The following PSD3 variants were observed in gnomAD, a reference collection of about 807,000 sequenced individuals.
PSD3 encodes PH and SEC7 domain-containing protein 3.
A neutral mutation model predicts 105.5 loss-of-function variants in PSD3; 49 were observed. The observed-to-expected ratio is 0.46, with a 90% CI of 0.37 to 0.59. The LOEUF (loss-of-function observed/expected upper bound fraction) is 0.59, where lower values mean the gene tolerates loss of function less well. Among genes scored for constraint, PSD3 ranks in the 20% least tolerant of loss-of-function variants. The pLI, the probability that PSD3 is intolerant of heterozygous loss-of-function variation, is 0.00. For missense variants in PSD3, 1,561 were observed against 1,263.8 expected, an observed-to-expected ratio of 1.24 and a Z score of -3.57; for synonymous variants, 557 against 457.8, an observed-to-expected ratio of 1.22 and a Z score of -2.77.
intron 4 of PSD3, among the ~76,000 whole-genome samples, chr8:18,834,724 C>T (rs561836390): frequency 6.6e-6 from 1 of 152,240 alleles, no homozygotes; most frequent in South Asian, 2.1e-4. Flanking sequence ...TATAGAGGAA[C>T]AAAGACGCCA....
intron 1 of PSD3, among the ~76,000 whole-genome samples, chr8:19,027,263 A>G (rs970382605): frequency 1.1e-4 from 16 of 152,230 alleles, no homozygotes; most frequent in Non-Finnish European, 2.2e-4. Flanking sequence ...CATTCTGGAC[A>G]TAACTGCTGA....
At position 18,534,031 on chromosome 8, in the gene PSD3, A is replaced by G. The variant is rs1244687405; in HGVS notation, c.*1712T>C. 6.6e-6 allele frequency: 1 copy of G among 152,108 alleles called. No individual in the cohort carries two copies. The highest frequency in any genetic ancestry group is 1.5e-5 in the Non-Finnish European group (1 of 68,032). The allele number at this position is 152,108 out of a possible 1,614,324, so 9.4% of individuals were successfully genotyped here. On this transcript the variant is annotated 3_prime_UTR_variant, in exon 16 of 16. Coordinates refer to ENST00000327040, the MANE Select transcript of PSD3 (RefSeq NM_015310.4). ...ATAGTCATGGACATTTACAGAGGGG[A>G]AGGAAGTAAACGTTAATAAATAATT...
rs17127568 is a variant in PSD3 at position 18,975,456 on chromosome 8, C to T, written c.21+38107G>A. 4.0e-5 allele frequency among the ~76,000 whole-genome samples: 6 copies of T among 151,880 alleles called. No individual in the cohort carries two copies. The South Asian group carries it at 8.3e-4, about 21-fold the overall frequency. ...ATATGCTAAAAGTCACGCAGAAGAGCGTTTGTAGCCGATTTCTGCCATTTA... is the reference window on the plus strand; with the variant it reads ...ATATGCTAAAAGTCACGCAGAAGAGTGTTTGTAGCCGATTTCTGCCATTTA... On this transcript the variant is annotated intron_variant, in intron 1 of 15. Transcript: ENST00000327040.
intron 6 of PSD3, among the ~76,000 whole-genome samples, chr8:18,802,633 C>T (rs180869550): frequency 5.3e-5 from 8 of 152,278 alleles, no homozygotes; most frequent in South Asian, 2.1e-4. Context: ...AAGAGCCCCA[C>T]GATAAATCAC....
chr8:18,763,078 TG>T (rs1806675310), intron 9 of PSD3: 1 of 476,610 alleles, frequency 2.1e-6, no homozygotes, highest in Non-Finnish European at 4.1e-6. Context: ...CAAAATGACA[TG>T]GAACAACAGA....
At chr8:19,044,830 A>T (rs1380082005) in intron 1 of PSD3, among the ~76,000 whole-genome samples, 1 of 152,208 alleles carries the variant, frequency 6.6e-6, no homozygotes, top group Non-Finnish European at 1.5e-5. Context: ...GAAAGATTGT[A>T]TAGAAAAATG....
chr8:19,059,554 A>C (rs1828824812), intron 1 of PSD3, among the ~76,000 whole-genome samples: 1 of 152,184 alleles, frequency 6.6e-6, no homozygotes, highest in African/African-American at 2.4e-5. Context: ...AAAGTACTTT[A>C]TTGGGTAACA....
chr8:19,052,520 C>CA (rs1407766887), intron 1 of PSD3, among the ~76,000 whole-genome samples: 2 of 151,502 alleles, frequency 1.3e-5, no homozygotes, highest in Non-Finnish European at 2.9e-5. Flanking sequence ...AGAAAATGAG[C>CA]AAAGCAAAGT....
chr8:19,060,300 G>C (rs1828852589), intron 1 of PSD3, among the ~76,000 whole-genome samples: 1 of 152,188 alleles, frequency 6.6e-6, no homozygotes, highest in African/African-American at 2.4e-5. Flanking sequence ...TTTGTGAAGA[G>C]ATTTTGCTAT....
chr8:18,793,847 T>G (rs1021041413), intron 8 of PSD3, among the ~76,000 whole-genome samples: 66 of 152,316 alleles, frequency 4.3e-4, no homozygotes, highest in African/African-American at 1.4e-3. Flanking sequence ...TCATTACAGA[T>G]GCAGAGAGTT....
At chr8:18,719,783 T>G (rs1214043304) in intron 9 of PSD3, among the ~76,000 whole-genome samples, 2 of 152,226 alleles carry the variant, frequency 1.3e-5, no homozygotes, top group Non-Finnish European at 2.9e-5. Context: ...TCTTTAGAGC[T>G]GGTTTCATTT....
At chr8:18,615,916 C>T (rs957975617) in intron 11 of PSD3, among the ~76,000 whole-genome samples, 6 of 152,360 alleles carry the variant, frequency 3.9e-5, no homozygotes, top group African/African-American at 1.2e-4. Context: ...CCAAGGCCCA[C>T]GGGCATCTTT....
intron 9 of PSD3, among the ~76,000 whole-genome samples, chr8:18,744,281 A>C (rs1804808850): frequency 6.6e-6 from 1 of 152,150 alleles, no homozygotes; most frequent in Non-Finnish European, 1.5e-5. Flanking sequence ...CAAGTTCCAG[A>C]TGAGGAAGCT....
chr8:19,022,687 C>G (rs1586638414), intron 1 of PSD3, among the ~76,000 whole-genome samples: 1 of 152,188 alleles, frequency 6.6e-6, no homozygotes, highest in East Asian at 1.9e-4. Flanking sequence ...TCTCTTTGAA[C>G]TCCTTTTACT....
intron 14 of PSD3, among the ~76,000 whole-genome samples, chr8:18,564,628 C>CAAAA (rs59766811): frequency 8.9e-6 from 1 of 112,378 alleles, no homozygotes; most frequent in Non-Finnish European, 1.9e-5. Flanking sequence ...GACCTTGTCT[C>CAAAA]AAAAAAAAAA....
In PSD3 at chr8:18,987,687, G is replaced by A. The variant is rs1825578193; in HGVS notation, c.21+25876C>T. On this transcript the variant is annotated intron_variant, in intron 1 of 15. Coordinates refer to ENST00000327040, the MANE Select transcript of PSD3 (RefSeq NM_015310.4). ...TTTTAAAAGTCAGCCAGGTGTGGTG[G>A]CACGTGCTATAGTCCTAGCTACATA... Among the ~76,000 whole-genome samples, 3 of 152,018 alleles carry A rather than the reference G, an allele frequency of 2.0e-5. No homozygotes were observed. The South Asian group carries it at 6.2e-4, about 32-fold the overall frequency.
At chr8:18,580,990 C>G (rs189845603) in intron 12 of PSD3, among the ~76,000 whole-genome samples, 2 of 152,142 alleles carry the variant, frequency 1.3e-5, no homozygotes, top group African/African-American at 4.8e-5. Context: ...ACAAGCCTTA[C>G]AAAAATACTT....
chr8:18,765,655 G>A (rs936045784), intron 8 of PSD3, 117 bp from the exon 9 acceptor site: 124 of 868,370 alleles, frequency 1.4e-4, no homozygotes, highest in Middle Eastern at 4.6e-4. Flanking sequence ...GGCCAGGTGC[G>A]GTGGCTCACG....
intron 2 of PSD3, among the ~76,000 whole-genome samples, chr8:18,913,857 C>T (rs1029433059): frequency 5.9e-5 from 9 of 152,112 alleles, no homozygotes; most frequent in Non-Finnish European, 1.2e-4. Flanking sequence ...CCAGCCACTG[C>T]GAACTCAGGC....
Sources: gnomAD v4.1 joint callset for allele counts (sites outside exome capture counted in the v4.1 genomes callset) on GRCh38, gnomAD v4.1.1 for gene constraint, MANE v1.5 for transcripts, NCBI Gene and HGNC (gene_info 2026-07-23, HGNC 2026-07-21) for gene names.